NT5C1A: variants seen among roughly 807,000 people sequenced by gnomAD.
The protein encoded by NT5C1A is cytosolic 5'-nucleotidase 1A.
NT5C1A carries 18 observed loss-of-function variants against 31.0 expected under a neutral mutation model. The observed-to-expected ratio is 0.58, with a 90% CI of 0.40 to 0.86. NT5C1A has a LOEUF of 0.86. NT5C1A is among the 40% of genes least tolerant of loss of function. The pLI is 0.00. For missense variants in NT5C1A, 470 were observed against 505.4 expected, an observed-to-expected ratio of 0.93 and a Z score of 0.67; for synonymous variants, 185 against 203.6, an observed-to-expected ratio of 0.91 and a Z score of 0.78.
Position 39,659,285 on chromosome 1 carries a change from C to T in NT5C1A, c.943G>A (p.Gly315Ser). Residue 315 changes from glycine (G) to serine (S), a missense_variant, in exon 6 of 6, where the codon GGC becomes AGC. Transcript: ENST00000235628. Reference protein sequence around the residue: ...EALFLAGAPKGPLLEKIRPHI... With the variant: ...EALFLAGAPKSPLLEKIRPHI... ...GGGCGGATCTTCTCAAGGAGAGGGCCCTTGGGCGCTCCAGCAAGGAACAAG... is the reference window on the plus strand; with the variant it reads ...GGGCGGATCTTCTCAAGGAGAGGGCTCTTGGGCGCTCCAGCAAGGAACAAG... The T allele has an allele frequency of 6.2e-7, 1 of 1,614,046 alleles. No homozygotes were observed. Among genetic ancestry groups the T allele is most frequent in the Non-Finnish European group, 8.5e-7 (1 of 1,180,036 alleles).
chr1:39,652,496 G>A lies in NT5C1A; in HGVS notation c.*6625C>T, dbSNP rs1370642110. On this transcript the variant is annotated 3_prime_UTR_variant, in exon 6 of 6. Transcript: ENST00000235628. ...TCCTGCCTCGCCCCTGTAGGCATTG[G>A]GGTTTGTGACCCTGGCCCAGGCATC... Among the ~76,000 whole-genome samples, 1 of 151,878 alleles carries A rather than the reference G, an allele frequency of 6.6e-6. No individual in the cohort carries two copies. Among genetic ancestry groups the A allele is most frequent in the Non-Finnish European group, 1.5e-5 (1 of 67,988 alleles).
rs1336763901 is a variant in NT5C1A, at chr1:39,670,385, GC to G, written c.135+1518del. On this transcript the variant is annotated intron_variant, in intron 1 of 5. Transcript: ENST00000235628. Reference sequence around the variant, plus strand: ...TTTGATGGAACAGATCACAGGGGAAGCCTTATTCTGAGCTTTGCTTTAAAAA... The same window carrying G: ...TTTGATGGAACAGATCACAGGGGAAGCTTATTCTGAGCTTTGCTTTAAAAA... Among the ~76,000 whole-genome samples, 7 of 152,304 alleles carry G rather than the reference GC, an allele frequency of 4.6e-5. No individual in the cohort carries two copies. The East Asian group carries it at 1.2e-3, about 25-fold the overall frequency.
chr1:39,660,092 A>C (rs61781400), intron 5 of NT5C1A, among the ~76,000 whole-genome samples: 9,703 of 152,266 alleles, frequency 0.064, 411 homozygotes, highest in East Asian at 0.13. Flanking sequence ...AGCTAGAAAT[A>C]AACAAAAGTG....
chr1:39,664,805 G>A (rs981294109), intron 3 of NT5C1A, among the ~76,000 whole-genome samples: 4 of 151,388 alleles, frequency 2.6e-5, no homozygotes, highest in South Asian at 2.1e-4. Context: ...TCTTGAATAC[G>A]GTTTTTATTT....
In NT5C1A at chr1:39,655,447, C is replaced by T. The variant is rs1475762172; in HGVS notation, c.*3674G>A. ...GGTGTTTAGGAAGCTATAATAAAAG[C>T]ATGCACTCAAATGTATTCCAGCATT... On this transcript the variant is annotated 3_prime_UTR_variant, in exon 6 of 6. Transcript: ENST00000235628. Among the ~76,000 whole-genome samples the T allele has an allele frequency of 6.6e-6, 1 of 152,158 alleles. No homozygotes were observed. Among genetic ancestry groups the T allele is most frequent in the Non-Finnish European group, 1.5e-5 (1 of 68,032 alleles).
chr1:39,672,034 T>C lies in NT5C1A; in HGVS notation c.5A>G (p.Glu2Gly), dbSNP rs1646555470. 3 of 1,598,442 alleles carry C rather than the reference T, an allele frequency of 1.9e-6. No homozygotes were observed. The highest frequency in any genetic ancestry group is 1.3e-5 in the African/African-American group (1 of 74,422). Residue 2 changes from glutamate to glycine, a missense_variant, in exon 1 of 6, where the codon GAA (glutamate) becomes GGA (glycine). Transcript: ENST00000235628. ...CTGGGGCTCCCGGGGCTGCCCAGGT[T>C]CCATGCTCCGGCTCTGACCCGGCCC... M[E>G]PGQPREPQEP...
rs1422685745 is a variant in NT5C1A, at chr1:39,651,562, G to A, written c.*7559C>T. 6.6e-6 allele frequency among the ~76,000 whole-genome samples: 1 copy of A among 152,218 alleles called. No homozygotes were observed. Among genetic ancestry groups the A allele is most frequent in the Non-Finnish European group, 1.5e-5 (1 of 68,042 alleles). ...ATAACAAGCAACCCAGAGAGGTTGG[G>A]TGATGAGGAAGACTGAGGCAGCAAA... On this transcript the variant is annotated 3_prime_UTR_variant, in exon 6 of 6. Coordinates refer to ENST00000235628, the MANE Select transcript of NT5C1A (RefSeq NM_032526.3).
rs546047766 is a variant in NT5C1A at position 39,656,014 on chromosome 1, C to T, written c.*3107G>A. Among the ~76,000 whole-genome samples the T allele has an allele frequency of 6.6e-6, 1 of 152,276 alleles. No homozygotes were observed. The highest frequency in any genetic ancestry group is 2.4e-5 in the African/African-American group (1 of 41,556). ...ATATATCCCCACTACTCTGATTGGG[C>T]TCTCAGATAGGAGAGGGGGATGTTT... is the stretch of plus-strand genomic sequence containing the variant. On this transcript the variant is annotated 3_prime_UTR_variant, in exon 6 of 6. Coordinates refer to ENST00000235628, the MANE Select transcript of NT5C1A (RefSeq NM_032526.3).
intron 5 of NT5C1A, 48 bp downstream of exon 5, chr1:39,661,030 TG>T: frequency 8.5e-7 from 1 of 1,179,468 alleles, no homozygotes; most frequent in Non-Finnish European, 1.2e-6. Flanking sequence ...AGGGCAGGTC[TG>T]GGGAGCTGCC....
In NT5C1A at chr1:39,661,185, C is replaced by T; in HGVS notation, c.635G>A (p.Gly212Glu). 6.3e-7 allele frequency: 1 copy of T among 1,599,398 alleles called. No individual in the cohort carries two copies. The highest frequency in any genetic ancestry group is 8.6e-7 in the Non-Finnish European group (1 of 1,167,454). The change falls in exon 5 of 6, where the codon GGG becomes GAG. Residue 212 changes from glycine (G) to glutamate (E), a missense_variant. By Grantham distance (98) the Gly-to-Glu change is moderately conservative. Transcript: ENST00000235628. ...CTCGTCCGAGAAGAGCACGGCGTCC[C>T]CATCGAAGGCCACGCGCAGCTGACT... ...SQSQLRVAFD[G>E]DAVLFSDESE...
chr1:39,671,768 T>C (rs1397168229), intron 1 of NT5C1A, 136 bp downstream of exon 1: 1 of 1,033,390 alleles, frequency 9.7e-7, no homozygotes, highest in Non-Finnish European at 1.4e-6. Context: ...CCGCGCCAGC[T>C]GCAGGGCGCA....
At position 39,653,499 on chromosome 1, in the gene NT5C1A, C is replaced by T. The variant is rs1452681483; in HGVS notation, c.*5622G>A. Among the ~76,000 whole-genome samples the T allele has an allele frequency of 6.6e-6, 1 of 152,182 alleles. No individual in the cohort carries two copies. The highest frequency in any genetic ancestry group is 1.9e-4 in the East Asian group (1 of 5,202). ...AACTTAATATGTGTGCATCCATACA[C>T]ACAATCACAGTAATTGCCGGCAAGA... On this transcript the variant is annotated 3_prime_UTR_variant, in exon 6 of 6. Transcript: ENST00000235628.
chr1:39,657,010 G>A lies in NT5C1A; in HGVS notation c.*2111C>T, dbSNP rs1646462043. Among the ~76,000 whole-genome samples the A allele has an allele frequency of 6.6e-6, 1 of 152,170 alleles. No individual in the cohort carries two copies. Among genetic ancestry groups the A allele is most frequent in the Admixed American group, 6.5e-5 (1 of 15,280 alleles). On this transcript the variant is annotated 3_prime_UTR_variant, in exon 6 of 6. Transcript: ENST00000235628. Reference sequence around the variant, plus strand: ...CACAACCCGGGTCTTCTGCCCCAAGGCCTCCTCTGTTAGCCAGAAGGATCC... The same window carrying A: ...CACAACCCGGGTCTTCTGCCCCAAGACCTCCTCTGTTAGCCAGAAGGATCC...
rs370719045 is a variant in NT5C1A, at chr1:39,666,036, C to A, written c.303+33G>T. 2.4e-5 allele frequency: 38 copies of A among 1,597,380 alleles called. No homozygotes were observed. In the African/African-American group the frequency reaches 4.3e-4, roughly 18 times the overall value. ...CTTTTTTCTAATCCCCACGAAGGCG[C>A]TATATGAGCTAGTGGTGGAACTGCT... On this transcript the variant is annotated intron_variant, in intron 2 of 5. Transcript: ENST00000235628.
At chr1:39,670,108 CATTT>C (rs545466311) in intron 1 of NT5C1A, among the ~76,000 whole-genome samples, 233 of 152,188 alleles carry the variant, frequency 1.5e-3, no homozygotes, top group Non-Finnish European at 2.7e-3. Flanking sequence ...AAATGCATTA[CATTT>C]ATTTATTTAT....
At position 39,652,712 on chromosome 1, in the gene NT5C1A, C is replaced by T. The variant is rs1466789422; in HGVS notation, c.*6409G>A. 6.6e-6 allele frequency among the ~76,000 whole-genome samples: 1 copy of T among 152,138 alleles called. No homozygotes were observed. The highest frequency in any genetic ancestry group is 1.9e-4 in the East Asian group (1 of 5,192). On this transcript the variant is annotated 3_prime_UTR_variant, in exon 6 of 6. Coordinates refer to ENST00000235628, the MANE Select transcript of NT5C1A (RefSeq NM_032526.3). ...TTGGTTTGCCTTACAGAGGCTTTCA[C>T]TTTGCAAAGATGAGTAACTGAAAAG... is the stretch of plus-strand genomic sequence containing the variant.
Position 39,656,492 on chromosome 1 carries a change from G to C in NT5C1A, c.*2629C>G, listed in dbSNP as rs784613. Among the ~76,000 whole-genome samples the C allele has an allele frequency of 0.014, 2,188 of 152,298 alleles. 64 individuals carry two copies. The highest frequency in any genetic ancestry group is 0.049 in the African/African-American group (2,047 of 41,544). On this transcript the variant is annotated 3_prime_UTR_variant, in exon 6 of 6. Coordinates refer to ENST00000235628, the MANE Select transcript of NT5C1A (RefSeq NM_032526.3). ...ACTCTTAGTGTTTCTCCATTGCCCA[G>C]GGCTGTCTGTGTCTATTAATGATGG...
In NT5C1A at chr1:39,657,520, A is replaced by T. The variant is rs1039467337; in HGVS notation, c.*1601T>A. On this transcript the variant is annotated 3_prime_UTR_variant, in exon 6 of 6. Transcript: ENST00000235628. ...CTAGGATTCCTCCTAGAAGCCTGGC[A>T]ATCAGTCCACACACAGATGTCTGCT... Among the ~76,000 whole-genome samples, 3 of 152,164 alleles carry T rather than the reference A, an allele frequency of 2.0e-5. No homozygotes were observed. Among genetic ancestry groups the T allele is most frequent in the Admixed American group, 2.0e-4 (3 of 15,278 alleles).
Position 39,651,643 on chromosome 1 carries a change from G to T in NT5C1A, c.*7478C>A, listed in dbSNP as rs1343685080. On this transcript the variant is annotated 3_prime_UTR_variant, in exon 6 of 6. Transcript: ENST00000235628. ...AGATACAAGCACATTATGCACACAG[G>T]TTTCATTTTTCATCGTATTCTATAT... Among the ~76,000 whole-genome samples, 5 of 152,160 alleles carry T rather than the reference G, an allele frequency of 3.3e-5. No homozygotes were observed. In the East Asian group the frequency reaches 9.6e-4, roughly 29 times the overall value.
Sources: allele counts gnomAD v4.1 joint callset (sites outside exome capture counted in the v4.1 genomes callset), GRCh38; gene constraint gnomAD v4.1.1; transcripts MANE v1.5; gene names NCBI Gene and HGNC (gene_info 2026-07-23, HGNC 2026-07-21).